SAMD4A: variants seen among roughly 807,000 people sequenced by gnomAD.
SAMD4A encodes the protein sterile alpha motif domain containing 4A, also known as protein Smaug homolog 1.
Under a neutral mutation model 81.3 loss-of-function variants are expected in SAMD4A, and 33 were observed. That is an observed-to-expected ratio of 0.41 (90% CI 0.31 to 0.54). The LOEUF (loss-of-function observed/expected upper bound fraction) is 0.54. Among genes scored for constraint, SAMD4A ranks in the 20% least tolerant of loss-of-function variants. The pLI is 0.37. For missense variants in SAMD4A, 854 were observed against 951.1 expected (o/e 0.90, Z 1.34); for synonymous variants, 389 against 382.1 (o/e 1.02, Z -0.21).
At position 54,567,749 on chromosome 14, in the gene SAMD4A, C is replaced by T. The variant is rs1240363480; in HGVS notation, c.-168C>T. The T allele has an allele frequency of 1.9e-5, 11 of 594,272 alleles. No homozygotes were observed. The Middle Eastern group carries it at 1.8e-3, about 98-fold the overall frequency. 36.8% of individuals were successfully genotyped at this position (594,272 alleles called of 1,614,324 possible). ...CCACCGGAACGTAACTGAAACCAGA[C>T]AAGAGAGGCAGGAGCCCAGGCAGTA... On this transcript the variant is annotated 5_prime_UTR_variant, in exon 2 of 13. Transcript: ENST00000554335.
intron 2 of SAMD4A, among the ~76,000 whole-genome samples, chr14:54,634,016 A>G (rs1459083128): frequency 6.6e-6 from 1 of 152,066 alleles, no homozygotes; most frequent in Non-Finnish European, 1.5e-5. Flanking sequence ...ATGTATATTC[A>G]GCTGGGTGCG....
rs1286208145 is a variant in SAMD4A at position 54,570,399 on chromosome 14, G to A, written c.196+2287G>A. Among the ~76,000 whole-genome samples, 3 of 152,184 alleles carry A rather than the reference G, an allele frequency of 2.0e-5. No individual in the cohort carries two copies. In the East Asian group the frequency reaches 5.8e-4, roughly 29 times the overall value. ...ATGAAAGTCCAAGAGAATATTTCAGGCCCTCTCTCAGAATGTACTTGCTCT... is the reference window on the plus strand; with the variant it reads ...ATGAAAGTCCAAGAGAATATTTCAGACCCTCTCTCAGAATGTACTTGCTCT... On this transcript the variant is annotated intron_variant, in intron 2 of 12. Transcript: ENST00000554335.
At chr14:54,626,059 T>TGTGTGC (rs368142521) in intron 2 of SAMD4A, among the ~76,000 whole-genome samples, 169 of 102,114 alleles carry the variant, frequency 1.7e-3, no homozygotes, top group Non-Finnish European at 1.4e-3. Flanking sequence ...TGTGTGTGTG[T>TGTGTGC]GCGCGCGCGC....
In SAMD4A at chr14:54,680,792, C is replaced by T. The variant is rs147972887; in HGVS notation, c.197-21270C>T. Among the ~76,000 whole-genome samples, 304 of 152,262 alleles carry T rather than the reference C, an allele frequency of 2.0e-3. 1 individual carries two copies. Among genetic ancestry groups the T allele is most frequent in the African/African-American group, 6.8e-3 (282 of 41,544 alleles). Reference sequence around the variant, plus strand: ...TGTTAATCTTTTCAGAGGACACTGCCAGTAAGAGTGTTGTTATTGTTAGAT... The same window carrying T: ...TGTTAATCTTTTCAGAGGACACTGCTAGTAAGAGTGTTGTTATTGTTAGAT... On this transcript the variant is annotated intron_variant, in intron 2 of 12. Coordinates refer to ENST00000554335, the MANE Select transcript of SAMD4A (RefSeq NM_015589.6).
chr14:54,725,231 C>A (rs892214751), intron 3 of SAMD4A, among the ~76,000 whole-genome samples: 7 of 152,176 alleles, frequency 4.6e-5, no homozygotes, highest in Admixed American at 4.6e-4. Context: ...GTATTGCTTA[C>A]AAATGTCAGG....
chr14:54,735,209 CGT>C (rs2037661267), intron 3 of SAMD4A: 1 of 39,062 alleles, frequency 2.6e-5, no homozygotes, highest in African/African-American at 6.9e-5. Context: ...GCTGCCGCTT[CGT>C]TTTTTTTTTT....
intron 8 of SAMD4A, among the ~76,000 whole-genome samples, chr14:54,767,755 G>A (rs898919312): frequency 1.2e-4 from 19 of 152,150 alleles, no homozygotes; most frequent in African/African-American, 4.3e-4. Context: ...GAGATTTTGG[G>A]CATCATAGCC....
At chr14:54,781,139 C>A (rs942012062) in intron 11 of SAMD4A, among the ~76,000 whole-genome samples, 2 of 152,190 alleles carry the variant, frequency 1.3e-5, no homozygotes, top group Admixed American at 6.5e-5. Flanking sequence ...GAGTTGCCTC[C>A]GCTGTCATTG....
chr14:54,568,136 G>A lies in SAMD4A; in HGVS notation c.196+24G>A, dbSNP rs1188349443. Reference sequence around the variant, plus strand: ...CGGTAAGTGTGCGGCGGCCGCCGCCGCCGTCCCGCCTGCCCAACCCCCGCT... The same window carrying A: ...CGGTAAGTGTGCGGCGGCCGCCGCCACCGTCCCGCCTGCCCAACCCCCGCT... On this transcript the variant is annotated intron_variant, in intron 2 of 12. Coordinates refer to ENST00000554335, the MANE Select transcript of SAMD4A (RefSeq NM_015589.6). 4.1e-6 allele frequency: 6 copies of A among 1,450,092 alleles called. No homozygotes were observed. The East Asian group carries it at 1.4e-4, about 34-fold the overall frequency. The allele number at this position is 1,450,092 out of a possible 1,614,324, so 89.8% of individuals were successfully genotyped here.
At chr14:54,685,278 C>T (rs1415561915) in intron 2 of SAMD4A, among the ~76,000 whole-genome samples, 1 of 147,238 alleles carries the variant, frequency 6.8e-6, no homozygotes, top group Non-Finnish European at 1.5e-5. Flanking sequence ...CTTCCTGCCC[C>T]CCCCCCCAGC....
At chr14:54,707,276 G>A (rs1033928753) in intron 3 of SAMD4A, among the ~76,000 whole-genome samples, 1 of 151,520 alleles carries the variant, frequency 6.6e-6, no homozygotes, top group Non-Finnish European at 1.5e-5. Context: ...GATAATTTTT[G>A]TATTTTTTGT....
At chr14:54,677,040 C>T (rs1000845832) in intron 2 of SAMD4A, among the ~76,000 whole-genome samples, 14 of 152,192 alleles carry the variant, frequency 9.2e-5, no homozygotes, top group Non-Finnish European at 8.8e-5. Context: ...GTGTTTCCGT[C>T]GTTTAGTTAT....
At chr14:54,772,873 T>C (rs757392391) in intron 9 of SAMD4A, among the ~76,000 whole-genome samples, 1 of 151,368 alleles carries the variant, frequency 6.6e-6, no homozygotes, top group Non-Finnish European at 1.5e-5. Flanking sequence ...CGTAGTCAGA[T>C]TGTCCTTCCT....
chr14:54,784,598 T>A lies in SAMD4A; in HGVS notation c.2106T>A (p.Ser702Arg). 6.2e-7 allele frequency: 1 copy of A among 1,614,138 alleles called. No individual in the cohort carries two copies. The highest frequency in any genetic ancestry group is 8.5e-7 in the Non-Finnish European group (1 of 1,179,990). The change falls in exon 12 of 13, where the codon AGT becomes AGA. Residue 702 changes from serine (S) to arginine (R), a missense_variant. By Grantham distance (110) the Ser-to-Arg change is moderately radical. This residue lies in a region of SAMD4A where 428 missense variants were observed against 471.2 expected (regional missense o/e 0.91). Transcript: ENST00000554335. ...ACAGGCTGGAGTCGTTGTGCCTCAG[T>A]ATGACCGAACACGCCCTGGGAGGTG... ...INNRLESLCL[S>R]MTEHALGDGV...
chr14:54,698,650 G>T (rs1438379509), intron 2 of SAMD4A, among the ~76,000 whole-genome samples: 5 of 152,254 alleles, frequency 3.3e-5, no homozygotes, highest in Non-Finnish European at 7.3e-5. Context: ...AGCAGAAATA[G>T]TTTGATCCAG....
chr14:54,784,065 T>C (rs2139982411), intron 11 of SAMD4A, among the ~76,000 whole-genome samples: 1 of 151,920 alleles, frequency 6.6e-6, no homozygotes, highest in East Asian at 1.9e-4. Flanking sequence ...AAGGAGATGA[T>C]AGAGCCAGAA....
At chr14:54,758,881 A>G (rs17127906) in intron 6 of SAMD4A, among the ~76,000 whole-genome samples, 17,144 of 151,984 alleles carry the variant, frequency 0.11, 1,450 homozygotes, top group East Asian at 0.28. Flanking sequence ...CTGATTATCA[A>G]TGTCCTTTCC....
At chr14:54,650,221 A>G (rs866734199) in intron 2 of SAMD4A, among the ~76,000 whole-genome samples, 1 of 152,246 alleles carries the variant, frequency 6.6e-6, no homozygotes, top group African/African-American at 2.4e-5. Flanking sequence ...GAGGATTTAC[A>G]TATTGTTGAT....
At chr14:54,780,836 G>A (rs1434444074) in intron 11 of SAMD4A, among the ~76,000 whole-genome samples, 1 of 152,012 alleles carries the variant, frequency 6.6e-6, no homozygotes, top group Non-Finnish European at 1.5e-5. Flanking sequence ...CGTTCCCATG[G>A]TCAACTCAGG....
Sources: gnomAD v4.1 joint callset for allele counts (sites outside exome capture counted in the v4.1 genomes callset) on GRCh38, gnomAD v4.1.1 for gene constraint, gnomAD v4.1.1 regional missense constraint, MANE v1.5 for transcripts, NCBI Gene and HGNC (gene_info 2026-07-23, HGNC 2026-07-21) for gene names.